DYNC2H1: variants seen among roughly 807,000 people sequenced by gnomAD.
DYNC2H1 encodes the protein cytoplasmic dynein 2 heavy chain 1.
DYNC2H1 carries 410 observed loss-of-function variants against 570.0 expected under a neutral mutation model. That is an observed-to-expected ratio of 0.72 (90% CI 0.66 to 0.78). DYNC2H1 has a LOEUF of 0.78. Among genes scored for constraint, DYNC2H1 ranks in the 30% least tolerant of loss-of-function variants. The pLI is 0.00. For missense variants in DYNC2H1, 4,865 were observed against 5,046.4 expected (o/e 0.96, Z 1.09); for synonymous variants, 1,688 against 1,677.6 (o/e 1.01, Z -0.15).
At chr11:103,279,920 C>T (rs1685100644) in intron 70 of DYNC2H1, among the ~76,000 whole-genome samples, 1 of 152,120 alleles carries the variant, frequency 6.6e-6, no homozygotes, top group South Asian at 2.1e-4. Context: ...ATTAATCTAT[C>T]TAGTAAGGAG....
intron 65 of DYNC2H1, among the ~76,000 whole-genome samples, chr11:103,251,106 T>C (rs930401976): frequency 1.2e-4 from 19 of 152,102 alleles, no homozygotes; most frequent in Non-Finnish European, 4.4e-5. Flanking sequence ...TTCTTTGCTT[T>C]ATCGTGTATT....
intron 47 of DYNC2H1, among the ~76,000 whole-genome samples, chr11:103,193,167 G>T (rs996385349): frequency 1.3e-5 from 2 of 152,132 alleles, no homozygotes; most frequent in African/African-American, 4.8e-5. Flanking sequence ...TCAGGAAATG[G>T]GTTCAAGAGA....
At chr11:103,156,330 A>T (rs1166844349) in intron 25 of DYNC2H1, 58 bp from the exon 26 acceptor site, 1 of 1,461,238 alleles carries the variant, frequency 6.8e-7, no homozygotes, top group Admixed American at 2.5e-5. Context: ...TTTTCTATTA[A>T]TTACTTATGT....
chr11:103,154,901 T>G (rs531306844), intron 24 of DYNC2H1, 92 bp downstream of exon 24: 64 of 917,650 alleles, frequency 7.0e-5, no homozygotes, highest in Non-Finnish European at 8.9e-5. Flanking sequence ...ACTTTATATG[T>G]TTTTCAATTA....
intron 55 of DYNC2H1, among the ~76,000 whole-genome samples, chr11:103,217,473 A>C: frequency 6.6e-6 from 1 of 152,186 alleles, no homozygotes; most frequent in East Asian, 1.9e-4. Context: ...AAAAATGCCA[A>C]ATAAATGGGG....
intron 73 of DYNC2H1, among the ~76,000 whole-genome samples, chr11:103,284,250 T>C (rs1237443654): frequency 6.6e-6 from 1 of 152,176 alleles, no homozygotes; most frequent in Admixed American, 6.6e-5. Context: ...TCCTTGGCTA[T>C]AAATTTCCAC....
intron 29 of DYNC2H1, 97 bp from the exon 30 acceptor site, chr11:103,162,931 A>C: frequency 9.2e-7 from 1 of 1,085,090 alleles, no homozygotes; most frequent in Non-Finnish European, 1.3e-6. Flanking sequence ...ATAACAGTAT[A>C]GAGTTAGTAG....
intron 53 of DYNC2H1, among the ~76,000 whole-genome samples, chr11:103,211,185 G>C (rs903988199): frequency 7.0e-5 from 8 of 114,560 alleles, no homozygotes; most frequent in African/African-American, 2.7e-4. Context: ...TGGCACACAA[G>C]AAGAAGAAAG....
In DYNC2H1 at chr11:103,321,182, A is replaced by G; in HGVS notation, c.11879A>G (p.Asn3960Ser). Residue 3960 changes from asparagine (N) to serine (S), a missense_variant, in exon 81 of 89, where the codon AAC (asparagine) becomes AGC (serine). By Grantham distance (46) the Asn-to-Ser change is conservative. Around this residue, in one of 5 missense-constraint regions of DYNC2H1, gnomAD observed 2,401 missense variants for 2,454.6 expected, o/e 0.98. Transcript: ENST00000375735. ...GTTATTGATGTATTCAACCAAAGGA[A>G]CAAGAAAAGCATTTTTCCATATTCC... is the stretch of plus-strand genomic sequence containing the variant. ...SSVIDVFNQRNKKSIFPYSVS... is the reference protein window; with the variant it reads ...SSVIDVFNQRSKKSIFPYSVS... The G allele has an allele frequency of 6.2e-7, 1 of 1,611,962 alleles. No homozygotes were observed. The highest frequency in any genetic ancestry group is 8.5e-7 in the Non-Finnish European group (1 of 1,178,832).
intron 47 of DYNC2H1, among the ~76,000 whole-genome samples, chr11:103,196,994 A>T (rs1473781568): frequency 2.6e-5 from 4 of 152,166 alleles, no homozygotes; most frequent in Non-Finnish European, 5.9e-5. Context: ...TTGGTGGAAC[A>T]GTCTCCCAGA....
chr11:103,310,826 G>A (rs1344083909), intron 78 of DYNC2H1, among the ~76,000 whole-genome samples: 1 of 151,460 alleles, frequency 6.6e-6, no homozygotes, highest in South Asian at 2.1e-4. Flanking sequence ...GAGCAGCTGC[G>A]ATTACAAGTG....
At chr11:103,114,550 C>T (rs1471064885) in intron 3 of DYNC2H1, among the ~76,000 whole-genome samples, 1 of 152,052 alleles carries the variant, frequency 6.6e-6, no homozygotes, top group African/African-American at 2.4e-5. Flanking sequence ...AAACTACTGG[C>T]CTCAAGGGAT....
At chr11:103,393,580 T>G (rs1430735458) in intron 83 of DYNC2H1, among the ~76,000 whole-genome samples, 1 of 152,196 alleles carries the variant, frequency 6.6e-6, no homozygotes, top group African/African-American at 2.4e-5. Context: ...TGCACCAACT[T>G]TATTTCAAAC....
In DYNC2H1 at chr11:103,308,374, A is replaced by G. The variant is rs139900717; in HGVS notation, c.11493+543A>G. 1.6e-3 allele frequency among the ~76,000 whole-genome samples: 241 copies of G among 152,308 alleles called. 1 individual carries two copies. Among genetic ancestry groups the G allele is most frequent in the African/African-American group, 5.5e-3 (228 of 41,572 alleles). On this transcript the variant is annotated intron_variant, in intron 78 of 88. Transcript: ENST00000375735. ...GATAGGATAATATTTCATTGTATGTATATACCACATTTTCTTTATCCATTA... is the reference window on the plus strand; with the variant it reads ...GATAGGATAATATTTCATTGTATGTGTATACCACATTTTCTTTATCCATTA...
In DYNC2H1 at chr11:103,253,428, A is replaced by C; in HGVS notation, c.10186A>C (p.Arg3396=). 6.2e-7 allele frequency: 1 copy of C among 1,613,064 alleles called. No homozygotes were observed. Among genetic ancestry groups the C allele is most frequent in the Non-Finnish European group, 8.5e-7 (1 of 1,179,312 alleles). ...TACTGAGGTTAACTTTACTACAACA[A>C]GAAGTGGATTACGAGGGCAGGTATA... ...IVTEVNFTTT[R]SGLRGQLLAL... Residue 3396 remains arginine (R), a synonymous_variant, in exon 66 of 89, where the codon AGA becomes CGA. Transcript: ENST00000375735.
At chr11:103,463,666 A>G (rs1423039579) in intron 87 of DYNC2H1, among the ~76,000 whole-genome samples, 2 of 152,088 alleles carry the variant, frequency 1.3e-5, no homozygotes, top group Non-Finnish European at 2.9e-5. Flanking sequence ...TGGGAGAATC[A>G]CCTGAGTCCA....
chr11:103,146,145 T>G (rs973401769), intron 18 of DYNC2H1, among the ~76,000 whole-genome samples: 4 of 152,180 alleles, frequency 2.6e-5, no homozygotes, highest in African/African-American at 9.6e-5. Context: ...ATCCAGCTAG[T>G]AGGTGATTGA....
chr11:103,123,828 T>G (rs200911014), intron 11 of DYNC2H1, among the ~76,000 whole-genome samples: 1 of 16,106 alleles, frequency 6.2e-5, no homozygotes, highest in Non-Finnish European at 2.2e-4. Flanking sequence ...CCTCCTGCCC[T>G]TTTTTTTTTT....
chr11:103,473,321 C>G (rs1336502555), intron 88 of DYNC2H1, among the ~76,000 whole-genome samples: 2 of 137,756 alleles, frequency 1.5e-5, no homozygotes, highest in Non-Finnish European at 1.5e-5. Context: ...GAGTCTCACT[C>G]TGTCTCCCAG....
Sources: allele counts gnomAD v4.1 joint callset (sites outside exome capture counted in the v4.1 genomes callset), GRCh38; gene constraint gnomAD v4.1.1; regional missense constraint gnomAD v4.1.1; transcripts MANE v1.5; gene names NCBI Gene and HGNC (gene_info 2026-07-23, HGNC 2026-07-21).